FRMD6: variants seen among roughly 807,000 people sequenced by gnomAD.
FRMD6 encodes the protein FERM domain-containing protein 6.
FRMD6 carries 37 observed loss-of-function variants against 73.2 expected under a neutral mutation model. The observed-to-expected ratio is 0.51, with a 90% CI of 0.39 to 0.66. FRMD6 has a LOEUF of 0.66. Ranked by LOEUF, FRMD6 falls within the 30% of genes least tolerant of loss-of-function variation. The pLI, the probability that FRMD6 is intolerant of heterozygous loss-of-function variation, is 0.00. For synonymous variants in FRMD6, 273 were observed against 282.2 expected (o/e 0.97, Z 0.33); for missense variants, 714 against 780.5 (o/e 0.91, Z 1.02).
upstream of FRMD6, chr14:51,651,855 T>TG (rs1375106262): frequency 2.7e-4 from 1 of 3,764 alleles, no homozygotes; most frequent in Non-Finnish European, 5.9e-4. Context: ...GAGGCGTGGG[T>TG]GGGGGGCGGG....
chr14:51,601,264 AG>A (rs2139806706), intron 2 of FRMD6, among the ~76,000 whole-genome samples: 1 of 152,314 alleles, frequency 6.6e-6, no homozygotes, highest in African/African-American at 2.4e-5. Flanking sequence ...CCTGGGTCAA[AG>A]CTTGTTTTAG....
At chr14:51,515,665 C>T (rs1056580563) in intron 1 of FRMD6, among the ~76,000 whole-genome samples, 1 of 152,216 alleles carries the variant, frequency 6.6e-6, no homozygotes, top group South Asian at 2.1e-4. Flanking sequence ...ACACCAATTT[C>T]TGGGAATAAA....
At chr14:51,626,679 G>A (rs996141986) in intron 2 of FRMD6, among the ~76,000 whole-genome samples, 1 of 152,176 alleles carries the variant, frequency 6.6e-6, no homozygotes, top group Non-Finnish European at 1.5e-5. Context: ...CCATGGAGTA[G>A]GGATTGAGGA....
At position 51,708,179 on chromosome 14, in the gene FRMD6, C is replaced by G; in HGVS notation, c.660C>G (p.Ile220Met). 8.7e-6 allele frequency: 14 copies of G among 1,613,222 alleles called. No individual in the cohort carries two copies. The highest frequency in any genetic ancestry group is 1.2e-5 in the Non-Finnish European group (14 of 1,179,476). Reference sequence around the variant, plus strand: ...CTTCCGAAGCTCATCTTAAATATATCAAAGAGGCTGTCCGACTGGATGACG... The same window carrying G: ...CTTCCGAAGCTCATCTTAAATATATGAAAGAGGCTGTCCGACTGGATGACG... ...LTASEAHLKY[I>M]KEAVRLDDVA... Residue 220 changes from isoleucine (I) to methionine (M), a missense_variant, in exon 7 of 14, where the codon ATC becomes ATG. Physicochemically the swap from Ile to Met is conservative, Grantham distance 10. Transcript: ENST00000344768.
At chr14:51,648,838 A>C (rs1212392067), upstream of FRMD6, among the ~76,000 whole-genome samples, 2 of 152,266 alleles carry the variant, frequency 1.3e-5, no homozygotes, top group African/African-American at 4.8e-5. Flanking sequence ...TAAGAAAAAC[A>C]AAAGCAAAAA....
chr14:51,424,229 G>A, the FRMD6 span, among the ~76,000 whole-genome samples: 5 of 152,174 alleles, frequency 3.3e-5, no homozygotes, highest in Admixed American at 2.0e-4. Context: ...AAAAGCCACC[G>A]ATGAGATCAG....
chr14:51,400,372 C>G, the FRMD6 span, among the ~76,000 whole-genome samples: 2 of 152,126 alleles, frequency 1.3e-5, no homozygotes, highest in African/African-American at 4.8e-5. Flanking sequence ...AACTGTTTCT[C>G]CATGCCTGGC....
At chr14:51,626,836 TTAAA>T (rs1891133769) in intron 2 of FRMD6, among the ~76,000 whole-genome samples, 3 of 152,212 alleles carry the variant, frequency 2.0e-5, no homozygotes, top group African/African-American at 7.2e-5. Flanking sequence ...ATTGTGAAGA[TTAAA>T]TAAGGTGTCT....
chr14:51,583,039 A>C (rs1485800026), intron 2 of FRMD6, among the ~76,000 whole-genome samples: 1 of 152,204 alleles, frequency 6.6e-6, no homozygotes, highest in African/African-American at 2.4e-5. Flanking sequence ...ATGCGTTTTC[A>C]AAAGATTTTC....
At chr14:51,402,389 A>T in the FRMD6 span, among the ~76,000 whole-genome samples, 1 of 152,156 alleles carries the variant, frequency 6.6e-6, no homozygotes, top group African/African-American at 2.4e-5. Context: ...AGATGATTGA[A>T]TCATGGGGGA....
intron 1 of FRMD6, among the ~76,000 whole-genome samples, chr14:51,534,325 G>A (rs1885764017): frequency 6.6e-6 from 1 of 152,232 alleles, no homozygotes; most frequent in South Asian, 2.1e-4. Context: ...CCATGGTAAT[G>A]TGTGATGTAG....
At chr14:51,519,931 C>A (rs7155026) in intron 1 of FRMD6, among the ~76,000 whole-genome samples, 1 of 152,132 alleles carries the variant, frequency 6.6e-6, no homozygotes, top group African/African-American at 2.4e-5. Context: ...ATTCACTCCA[C>A]GCATTAGCAA....
At chr14:51,460,609 A>C in the FRMD6 span, among the ~76,000 whole-genome samples, 1 of 152,198 alleles carries the variant, frequency 6.6e-6, no homozygotes, top group Non-Finnish European at 1.5e-5. Context: ...CAGAGTTTTA[A>C]AGCTAGCAAA....
chr14:51,656,715 A>G (rs1892861058), intron 1 of FRMD6, among the ~76,000 whole-genome samples: 1 of 152,156 alleles, frequency 6.6e-6, no homozygotes, highest in Admixed American at 6.5e-5. Flanking sequence ...CCCGGCTAGC[A>G]TGGCATTTTC....
At chr14:51,403,169 A>T in the FRMD6 span, among the ~76,000 whole-genome samples, 10,778 of 152,312 alleles carry the variant, frequency 0.071, 417 homozygotes, top group South Asian at 0.09. Context: ...TAAAAATACC[A>T]TCTACCTGGT....
rs1594797810 is a variant in FRMD6, at chr14:51,730,111, T to A, written c.*2082T>A. 1 of 152,330 alleles carries A rather than the reference T, an allele frequency of 6.6e-6. No individual in the cohort carries two copies. Among genetic ancestry groups the A allele is most frequent in the East Asian group, 1.9e-4 (1 of 5,192 alleles). The allele number at this position is 152,330 out of a possible 1,614,324, so 9.4% of individuals were successfully genotyped here. Reference sequence around the variant, plus strand: ...GCATTTCCTTAGCCCTTAGAGTTTCTTGCAAACATTTAAAAAAAGACATAT... The same window carrying A: ...GCATTTCCTTAGCCCTTAGAGTTTCATGCAAACATTTAAAAAAAGACATAT... On this transcript the variant is annotated 3_prime_UTR_variant, in exon 14 of 14. Coordinates refer to ENST00000344768, the MANE Select transcript of FRMD6 (RefSeq NM_001267046.2).
chr14:51,682,260 C>T (rs973897279), intron 1 of FRMD6, among the ~76,000 whole-genome samples: 3 of 152,100 alleles, frequency 2.0e-5, no homozygotes, highest in Non-Finnish European at 4.4e-5. Flanking sequence ...TTCAGCTACT[C>T]AGATTTTATC....
intron 2 of FRMD6, among the ~76,000 whole-genome samples, chr14:51,690,895 C>A (rs1895517212): frequency 6.6e-6 from 1 of 152,116 alleles, no homozygotes; most frequent in South Asian, 2.1e-4. Flanking sequence ...TTACATACTG[C>A]AAAGTATAGA....
In FRMD6 at chr14:51,727,755, G is replaced by A. The variant is rs748065189; in HGVS notation, c.1595G>A (p.Arg532Gln). The A allele has an allele frequency of 1.0e-5, 16 of 1,597,202 alleles. No individual in the cohort carries two copies. The highest frequency in any genetic ancestry group is 4.5e-5 in the East Asian group (2 of 44,386). ...STDSLPQTICRKPKTSTDRHS... is the reference protein window; with the variant it reads ...STDSLPQTICQKPKTSTDRHS... Reference sequence around the variant, plus strand: ...TCCCTTATCTTGCAGACTATATGTCGGAAACCAAAGACCTCCACTGATCGA... The same window carrying A: ...TCCCTTATCTTGCAGACTATATGTCAGAAACCAAAGACCTCCACTGATCGA... Residue 532 changes from arginine (R) to glutamine (Q), a missense_variant, in exon 14 of 14, where the codon CGG (arginine) becomes CAG (glutamine). Physicochemically the swap from Arg to Gln is conservative, Grantham distance 43. Transcript: ENST00000344768.
Sources: allele counts gnomAD v4.1 joint callset (sites outside exome capture counted in the v4.1 genomes callset), GRCh38; gene constraint gnomAD v4.1.1; transcripts MANE v1.5; gene names NCBI Gene and HGNC (gene_info 2026-07-23, HGNC 2026-07-21).